Variants in DNAAF3 observed in about 807,000 individuals in gnomAD.
DNAAF3 encodes dynein axonemal assembly factor 3.
DNAAF3 carries 40 observed loss-of-function variants against 50.9 expected under a neutral mutation model. The ratio of observed to expected loss-of-function variants is 0.79; its 90% CI spans 0.61 to 1.02. The LOEUF (loss-of-function observed/expected upper bound fraction) is 1.02. Among genes scored for constraint, DNAAF3 ranks in the 50% least tolerant of loss-of-function variants. The pLI is 0.00. For missense variants in DNAAF3, 763 were observed against 744.7 expected (o/e 1.02, Z -0.29); for synonymous variants, 327 against 322.8 (o/e 1.01, Z -0.14).
At chr19:55,165,818 G>A (rs1177042862) in intron 3 of DNAAF3, 40 bp downstream of exon 3, 1 of 1,603,658 alleles carries the variant, frequency 6.2e-7, no homozygotes, top group Non-Finnish European at 8.5e-7. Context: ...CCTCCCTCAA[G>A]GACTCGGGAA....
In DNAAF3 at chr19:55,161,485, C is replaced by T; in HGVS notation, c.664-67G>A. 1 of 1,530,118 alleles carries T rather than the reference C, an allele frequency of 6.5e-7. No individual in the cohort carries two copies. Among genetic ancestry groups the T allele is most frequent in the Non-Finnish European group, 8.8e-7 (1 of 1,141,154 alleles). 94.8% of individuals were successfully genotyped at this position (1,530,118 alleles called of 1,614,324 possible). ...AGCGTGGAGAGACCCCTACACCAGC[C>T]TCCCTCAGACCCAGGAGTCCAGGTC... On this transcript the variant is annotated intron_variant, in intron 6 of 11. Transcript: ENST00000524407. This position sits in a 1 kb window ranked among gnomAD's most constrained non-coding sequence, Gnocchi z 6.4.
Position 55,159,214 on chromosome 19 carries a change from C to T in DNAAF3, c.1474G>A (p.Gly492Ser). 3.1e-6 allele frequency: 5 copies of T among 1,613,872 alleles called. No individual in the cohort carries two copies. The highest frequency in any genetic ancestry group is 4.2e-6 in the Non-Finnish European group (5 of 1,180,024). Reference sequence around the variant, plus strand: ...CCACCCTGCAGAGGCTGGGTCAGGCCCTCAAGGGCTGGGTTGCTGGCTTCA... The same window carrying T: ...CCACCCTGCAGAGGCTGGGTCAGGCTCTCAAGGGCTGGGTTGCTGGCTTCA... ...PLEASNPALE[G>S]LTQPLQGGTP... is the part of the protein sequence containing the mutation. The change falls in exon 12 of 12, where the codon GGC becomes AGC. Residue 492 changes from glycine (G) to serine (S), a missense_variant. Coordinates refer to ENST00000524407, the MANE Select transcript of DNAAF3 (RefSeq NM_001256715.2).
rs1045952620 is a variant in DNAAF3 at position 55,165,994 on chromosome 19, G to C, written c.92C>G (p.Pro31Arg). ...PALDLQAESP[P>R]VDPDSQADTV... ...ATCGGCCTGGGAGTCTGGGTCCACA[G>C]GAGGACCTGGCAAGATGACAGCTGG... The change falls in exon 3 of 12, where the codon CCT becomes CGT. Residue 31 changes from proline to arginine, a missense_variant. Transcript: ENST00000524407. The C allele has an allele frequency of 6.2e-7, 1 of 1,614,098 alleles. No individual in the cohort carries two copies. Among genetic ancestry groups the C allele is most frequent in the Non-Finnish European group, 8.5e-7 (1 of 1,180,054 alleles).
rs570293256 is a variant in DNAAF3 at position 55,164,564 on chromosome 19, G to A, written c.322+806C>T. On this transcript the variant is annotated intron_variant, in intron 4 of 11. Transcript: ENST00000524407. ...TTTAGATGGAGGTTTTGCTTTTGTC[G>A]CCCAGGCTGGAGTGCAGTGGTGTGA... 1.1e-3 allele frequency among the ~76,000 whole-genome samples: 173 copies of A among 151,244 alleles called. 1 individual carries two copies. The highest frequency in any genetic ancestry group is 3.8e-3 in the African/African-American group (156 of 41,172).
In DNAAF3 at chr19:55,159,292, C is replaced by T. The variant is rs1291966800; in HGVS notation, c.1396G>A (p.Val466Ile). The change falls in exon 12 of 12, where the codon GTC becomes ATC. Residue 466 changes from valine to isoleucine, a missense_variant. Physicochemically the swap from Val to Ile is conservative, Grantham distance 29. Transcript: ENST00000524407. The stretch of plus-strand genomic sequence containing the variant: ...GGAGTTCCGGGTTCCACAGCTGGGA[C>T]AGTGTTGCCCAGAGCTGATTCCTGG... ...KSQESALGNT[V>I]PAVEPGTPPL... 2 of 1,613,982 alleles carry T rather than the reference C, an allele frequency of 1.2e-6. No individual in the cohort carries two copies. Among genetic ancestry groups the T allele is most frequent in the African/African-American group, 1.3e-5 (1 of 74,924 alleles).
chr19:55,162,082 T>C, intron 5 of DNAAF3, 51 bp downstream of exon 5: 1 of 1,241,572 alleles, frequency 8.1e-7, no homozygotes, highest in Non-Finnish European at 1.0e-6. Context: ...ACTGTGCGCT[T>C]CCATTATTCC....
In DNAAF3 at chr19:55,166,284, C is replaced by A. The variant is rs1387015953; in HGVS notation, c.85+45G>T. 1 of 1,602,058 alleles carries A rather than the reference C, an allele frequency of 6.2e-7. No homozygotes were observed. The highest frequency in any genetic ancestry group is 8.5e-7 in the Non-Finnish European group (1 of 1,173,640). ...AGCTCTAAAAGGCCGTCTGCTCAGG[C>A]TGGGAAGGCAGACGGTGTATCAGAC... On this transcript the variant is annotated intron_variant, in intron 2 of 11. Coordinates refer to ENST00000524407, the MANE Select transcript of DNAAF3 (RefSeq NM_001256715.2). The surrounding 1 kb of genome is among the most constrained non-coding windows in gnomAD (Gnocchi z 4.0).
Position 55,161,512 on chromosome 19 carries a change from C to G in DNAAF3, c.664-94G>C. On this transcript the variant is annotated intron_variant, in intron 6 of 11. Coordinates refer to ENST00000524407, the MANE Select transcript of DNAAF3 (RefSeq NM_001256715.2). The surrounding 1 kb of genome is among the most constrained non-coding windows in gnomAD (Gnocchi z 6.4). ...CCCTCAGACCCAGGAGTCCAGGTCC[C>G]CAGGCCCTCCTCCCTCAGACCCAGG... 1 of 1,505,270 alleles carries G rather than the reference C, an allele frequency of 6.6e-7. No individual in the cohort carries two copies. Among genetic ancestry groups the G allele is most frequent in the Non-Finnish European group, 8.9e-7 (1 of 1,129,366 alleles). 93.2% of individuals were successfully genotyped at this position (1,505,270 alleles called of 1,614,324 possible).
chr19:55,160,773 C>T lies in DNAAF3; in HGVS notation c.915G>A (p.Thr305=), dbSNP rs886054640. The change falls in exon 9 of 12, where the codon ACG becomes ACA. Residue 305 remains threonine, a splice_region_variant and synonymous_variant. Transcript: ENST00000524407. The surrounding 1 kb of genome is among the most constrained non-coding windows in gnomAD (Gnocchi z 4.7). ...CGTTGTGTTGAGTGATCTCCCCGGC[C>T]GTCTAACAGTAGAAGGGGCGTGGCC... The part of the protein sequence containing the change: ...LRTSNGQPVK[T]AGEITQHNVT... The T allele has an allele frequency of 2.5e-6, 4 of 1,609,476 alleles. No individual in the cohort carries two copies. The highest frequency in any genetic ancestry group is 2.2e-5 in the South Asian group (2 of 90,988).
chr19:55,160,991 TG>T lies in DNAAF3; in HGVS notation c.912+73del, dbSNP rs2085817279. Reference sequence around the variant, plus strand: ...GTCTGGAGCTGGGGGCGGGGCCTGCTGTGGGGGCGGGGCCTTGCGCACCCAC... The same window carrying T: ...GTCTGGAGCTGGGGGCGGGGCCTGCTTGGGGGCGGGGCCTTGCGCACCCAC... On this transcript the variant is annotated intron_variant, in intron 8 of 11. Coordinates refer to ENST00000524407, the MANE Select transcript of DNAAF3 (RefSeq NM_001256715.2). The surrounding 1 kb of genome is among the most constrained non-coding windows in gnomAD (Gnocchi z 4.7). The T allele has an allele frequency of 1.6e-5, 24 of 1,476,252 alleles. No homozygotes were observed. Among genetic ancestry groups the T allele is most frequent in the Non-Finnish European group, 2.2e-5 (24 of 1,116,056 alleles). 91.4% of individuals were successfully genotyped at this position (1,476,252 alleles called of 1,614,324 possible).
rs1268271453 is a variant in DNAAF3 at position 55,166,313 on chromosome 19, G to C, written c.85+16C>G. 3 of 1,612,214 alleles carry C rather than the reference G, an allele frequency of 1.9e-6. No homozygotes were observed. In the Admixed American group the frequency reaches 5.0e-5, roughly 27 times the overall value. ...GAAGGCAGACGGTGTATCAGACCTT[G>C]CGTGCTGGGACTCACTTTCAGCCTG... On this transcript the variant is annotated intron_variant, in intron 2 of 11. Transcript: ENST00000524407. This position sits in a 1 kb window ranked among gnomAD's most constrained non-coding sequence, Gnocchi z 4.0.
chr19:55,159,718 G>A (rs1173052563), intron 10 of DNAAF3, 111 bp from the exon 11 acceptor site: 1 of 1,563,028 alleles, frequency 6.4e-7, no homozygotes, highest in African/African-American at 1.7e-5. Context: ...TGGAGTCTGG[G>A]TCCTGGGGAA....
In DNAAF3 at chr19:55,159,216, T is replaced by C. The variant is rs2085771881; in HGVS notation, c.1472A>G (p.Glu491Gly). The change falls in exon 12 of 12, where the codon GAG (glutamate) becomes GGG (glycine). Residue 491 changes from glutamate to glycine, a missense_variant. By Grantham distance (98) the Glu-to-Gly change is moderately conservative. Transcript: ENST00000524407. ...ACCCTGCAGAGGCTGGGTCAGGCCC[T>C]CAAGGGCTGGGTTGCTGGCTTCAAG... ...QPLEASNPALEGLTQPLQGGT... is the reference protein window; with the variant it reads ...QPLEASNPALGGLTQPLQGGT... 6.2e-7 allele frequency: 1 copy of C among 1,613,910 alleles called. No individual in the cohort carries two copies.
chr19:55,161,672 C>T lies in DNAAF3; in HGVS notation c.634G>A (p.Asp212Asn). Residue 212 changes from aspartate (D) to asparagine (N), a missense_variant, in exon 6 of 12, where the codon GAC becomes AAC. Transcript: ENST00000524407. This position sits in a 1 kb window ranked among gnomAD's most constrained non-coding sequence, Gnocchi z 6.4. The part of the protein sequence containing the change: ...YDARRGVSDW[D>N]LRMKLHDRGA... ...CGGTCATGCAGCTTCATGCGCAGGT[C>T]CCAGTCGCTGACACCGCGCCGGGCG... The T allele has an allele frequency of 6.5e-7, 1 of 1,539,622 alleles. No homozygotes were observed. Among genetic ancestry groups the T allele is most frequent in the Non-Finnish European group, 8.7e-7 (1 of 1,146,456 alleles).
chr19:55,159,586 A>G lies in DNAAF3; in HGVS notation c.1185T>C (p.Pro395=), dbSNP rs765899538. 3 of 1,610,450 alleles carry G rather than the reference A, an allele frequency of 1.9e-6. No homozygotes were observed. Among genetic ancestry groups the G allele is most frequent in the Non-Finnish European group, 1.7e-6 (2 of 1,178,358 alleles). ...VACGMVHLLI[P]ELGACVAPGG... Reference sequence around the variant, plus strand: ...CGGGTGCCACACAGGCCCCAAGCTCAGGGATGAGAAGATGGACCATACTGC... The same window carrying G: ...CGGGTGCCACACAGGCCCCAAGCTCGGGGATGAGAAGATGGACCATACTGC... Residue 395 remains proline (P), a synonymous_variant, in exon 11 of 12, where the codon CCT becomes CCC. Transcript: ENST00000524407.
chr19:55,166,132 T>C lies in DNAAF3; in HGVS notation c.86-132A>G, dbSNP rs1599931017. On this transcript the variant is annotated intron_variant, in intron 2 of 11. Transcript: ENST00000524407. This position sits in a 1 kb window ranked among gnomAD's most constrained non-coding sequence, Gnocchi z 4.0. ...GGCCTAGGTTCTAAGGGGAGGTGTT[T>C]CCTCTGAGTATTCTGGGATTCGCAG... The C allele has an allele frequency of 6.4e-7, 1 of 1,563,822 alleles. No homozygotes were observed. The highest frequency in any genetic ancestry group is 1.4e-5 in the African/African-American group (1 of 73,762).
chr19:55,163,331 TG>T (rs1451849261), intron 4 of DNAAF3, among the ~76,000 whole-genome samples: 35 of 132,176 alleles, frequency 2.6e-4, no homozygotes, highest in South Asian at 4.8e-4. Flanking sequence ...TTTTTTTTTT[TG>T]TATTTTTAGT....
chr19:55,161,692 C>A lies in DNAAF3; in HGVS notation c.614G>T (p.Arg205Leu), dbSNP rs2085837076. The change falls in exon 6 of 12, where the codon CGG (arginine) becomes CTG (leucine). Residue 205 changes from arginine (R) to leucine (L), a missense_variant. Transcript: ENST00000524407. This position sits in a 1 kb window ranked among gnomAD's most constrained non-coding sequence, Gnocchi z 6.4. ...CAGGTCCCAGTCGCTGACACCGCGC[C>A]GGGCGTCGTAGCGGGAGCCCAGGTA... ...RHYLGSRYDA[R>L]RGVSDWDLRM... 7.8e-6 allele frequency: 12 copies of A among 1,540,758 alleles called. No individual in the cohort carries two copies. In the South Asian group the frequency reaches 1.4e-4, roughly 18 times the overall value.
In DNAAF3 at chr19:55,158,927, G is replaced by GGGGTGGA; in HGVS notation, c.*134_*135insTCCACCC. 4.3e-6 allele frequency: 4 copies of GGGGTGGA among 922,104 alleles called. No homozygotes were observed. The highest frequency in any genetic ancestry group is 6.3e-6 in the Non-Finnish European group (4 of 632,232). The allele number at this position is 922,104 out of a possible 1,614,324, so 57.1% of individuals were successfully genotyped here. A position where few individuals can be genotyped will look rare whatever the true frequency, so the allele number is the denominator to read the frequency against. On this transcript the variant is annotated 3_prime_UTR_variant, in exon 12 of 12. Transcript: ENST00000524407. ...AAAGTCTACCAACACTCCCGGGGTG[G>GGGGTGGA]GGGTGGCGGGTACTGAGTGGGAATG...
Sources: allele counts gnomAD v4.1 joint callset (sites outside exome capture counted in the v4.1 genomes callset), GRCh38; gene constraint gnomAD v4.1.1; non-coding constraint Gnocchi (gnomAD v3.1); transcripts MANE v1.5; gene names NCBI Gene and HGNC (gene_info 2026-07-23, HGNC 2026-07-21).